Variants in PTPN13 observed in about 807,000 individuals in gnomAD.
PTPN13 encodes the protein protein tyrosine phosphatase non-receptor type 13.
A neutral mutation model predicts 284.0 loss-of-function variants in PTPN13; 191 were observed. That is an observed-to-expected ratio of 0.67 (90% CI 0.60 to 0.76). The LOEUF is 0.76. Among genes scored for constraint, PTPN13 ranks in the 30% least tolerant of loss-of-function variants. The probability of loss-of-function intolerance (pLI) is 0.00; values close to 1 mark genes in which losing one functional copy is unlikely to be tolerated. For missense variants in PTPN13, 2,797 were observed against 2,939.9 expected, an observed-to-expected ratio of 0.95 and a Z score of 1.12; for synonymous variants, 986 against 1,022.3, an observed-to-expected ratio of 0.96 and a Z score of 0.68.
chr4:86,666,050 A>G (rs1727037776), intron 2 of PTPN13, among the ~76,000 whole-genome samples: 1 of 152,112 alleles, frequency 6.6e-6, no homozygotes, highest in South Asian at 2.1e-4. Flanking sequence ...ATGATGTAAC[A>G]ATGATTTTTA....
Position 86,689,180 on chromosome 4 carries a change from A to C in PTPN13, c.536A>C (p.Asn179Thr). The change falls in exon 5 of 48, where the codon AAT becomes ACT. Residue 179 changes from asparagine to threonine, a missense_variant. Coordinates refer to ENST00000411767, the MANE Select transcript of PTPN13 (RefSeq NM_080683.3). Reference protein sequence around the residue: ...VKHLVKLVLGNLSGTDQLSCN... With the variant: ...VKHLVKLVLGTLSGTDQLSCN... ...CACTTGGTAAAACTGGTTCTGGGAA[A>C]TCTTTCTGGGGTAAGCTACAGTTAC... 6.2e-7 allele frequency: 1 copy of C among 1,612,180 alleles called. No homozygotes were observed. Among genetic ancestry groups the C allele is most frequent in the Non-Finnish European group, 8.5e-7 (1 of 1,178,378 alleles).
intron 1 of PTPN13, among the ~76,000 whole-genome samples, chr4:86,617,126 A>C (rs2148647069): frequency 6.6e-6 from 1 of 152,350 alleles, no homozygotes; most frequent in African/African-American, 2.4e-5. Context: ...CTGAGGGACA[A>C]GAGAGGAAGC....
At chr4:86,801,233 A>G (rs563103868) in intron 42 of PTPN13, among the ~76,000 whole-genome samples, 1 of 152,368 alleles carries the variant, frequency 6.6e-6, no homozygotes, top group South Asian at 2.1e-4. Context: ...GGAGAAAACT[A>G]TCGAACACCA....
chr4:86,788,272 G>T (rs148148672), intron 40 of PTPN13, among the ~76,000 whole-genome samples: 2 of 152,226 alleles, frequency 1.3e-5, no homozygotes, highest in African/African-American at 4.8e-5. Flanking sequence ...TGGTATTCTG[G>T]AAAAGTTTTC....
rs116399987 is a variant in PTPN13, at chr4:86,809,106, G to T, written c.7084-663G>T. ...CTTGATGAAAGTGGCCATGGGGAAA[G>T]AGAGGAGGAGGTGAGGTCTAAGAGG... On this transcript the variant is annotated intron_variant, in intron 45 of 47. Coordinates refer to ENST00000411767, the MANE Select transcript of PTPN13 (RefSeq NM_080683.3). Among the ~76,000 whole-genome samples the T allele has an allele frequency of 9.7e-3, 1,472 of 152,280 alleles. 16 individuals carry two copies. Among genetic ancestry groups the T allele is most frequent in the Middle Eastern group, 0.017 (5 of 294 alleles).
At chr4:86,597,979 G>A (rs899110905) in intron 1 of PTPN13, among the ~76,000 whole-genome samples, 1 of 152,048 alleles carries the variant, frequency 6.6e-6, no homozygotes, top group Non-Finnish European at 1.5e-5. Flanking sequence ...TTTTCACACT[G>A]GAAAAGTATG....
intron 2 of PTPN13, among the ~76,000 whole-genome samples, chr4:86,639,988 A>C (rs1352555062): frequency 6.6e-6 from 1 of 152,172 alleles, no homozygotes. Flanking sequence ...AAAGACCAGG[A>C]GCCATGGGAA....
In PTPN13 at chr4:86,811,121, T is replaced by C. The variant is rs1189041881; in HGVS notation, c.7362+13T>C. ...GGTTCAGACAGAGGTGAGTCATGGC[T>C]GGGCCTCCTAATGAGAATTTTTGTA... On this transcript the variant is annotated intron_variant, in intron 47 of 47. Coordinates refer to ENST00000411767, the MANE Select transcript of PTPN13 (RefSeq NM_080683.3). The C allele has an allele frequency of 6.2e-7, 1 of 1,605,630 alleles. No homozygotes were observed. Among genetic ancestry groups the C allele is most frequent in the Non-Finnish European group, 8.5e-7 (1 of 1,174,130 alleles).
intron 1 of PTPN13, among the ~76,000 whole-genome samples, chr4:86,599,412 T>C (rs991541687): frequency 6.6e-6 from 1 of 152,162 alleles, no homozygotes; most frequent in Non-Finnish European, 1.5e-5. Context: ...CCTAGAGCTG[T>C]ACTGTCAAAT....
chr4:86,680,757 C>T (rs992101011), intron 3 of PTPN13, among the ~76,000 whole-genome samples: 1 of 152,168 alleles, frequency 6.6e-6, no homozygotes, highest in South Asian at 2.1e-4. Context: ...TACCTTATGA[C>T]TCCTCTTTTT....
intron 2 of PTPN13, among the ~76,000 whole-genome samples, chr4:86,637,529 G>A (rs1334878157): frequency 8.6e-5 from 13 of 151,488 alleles, no homozygotes; most frequent in African/African-American, 2.2e-4. Flanking sequence ...TTCAATATAC[G>A]CAAATCAATA....
chr4:86,748,782 A>T (rs1319241821), intron 17 of PTPN13, among the ~76,000 whole-genome samples: 3 of 151,952 alleles, frequency 2.0e-5, no homozygotes, highest in Non-Finnish European at 4.4e-5. Context: ...CAGCCTCCCA[A>T]GTAGCTGGGA....
rs374529832 is a variant in PTPN13 at position 86,763,115 on chromosome 4, T to C, written c.3942T>C (p.Asp1314=). The C allele has an allele frequency of 5.0e-6, 8 of 1,613,172 alleles. No homozygotes were observed. Among genetic ancestry groups the C allele is most frequent in the Non-Finnish European group, 5.9e-6 (7 of 1,179,818 alleles). Residue 1314 remains aspartate (D), a synonymous_variant, in exon 24 of 48, where the codon GAT becomes GAC. Transcript: ENST00000411767. ...TKKPGISDVT[D]YSDRGDSDMD... ...AGCCAGGCATTTCTGATGTAACTGA[T>C]TACTCAGACCGTGGAGATTCAGACA...
chr4:86,651,474 A>G (rs1725067695), intron 2 of PTPN13, among the ~76,000 whole-genome samples: 1 of 147,462 alleles, frequency 6.8e-6, no homozygotes, highest in African/African-American at 2.5e-5. Flanking sequence ...GTCTGGTTTT[A>G]ATATCAGGGT....
intron 3 of PTPN13, among the ~76,000 whole-genome samples, chr4:86,676,419 A>T (rs886080465): frequency 1.3e-5 from 2 of 152,248 alleles, no homozygotes; most frequent in Non-Finnish European, 2.9e-5. Flanking sequence ...TGAGAATGTA[A>T]AATTGTACAG....
intron 40 of PTPN13, among the ~76,000 whole-genome samples, chr4:86,787,010 C>T (rs760016744): frequency 3.3e-5 from 5 of 151,632 alleles, no homozygotes; most frequent in Admixed American, 3.3e-4. Flanking sequence ...GAGGCTGAGG[C>T]AGGAGAATCA....
intron 10 of PTPN13, among the ~76,000 whole-genome samples, chr4:86,727,587 T>C (rs1734426481): frequency 6.7e-6 from 1 of 149,630 alleles, no homozygotes; most frequent in African/African-American, 2.4e-5. Context: ...CTAGATTTTC[T>C]AGTTTATTTG....
intron 2 of PTPN13, among the ~76,000 whole-genome samples, chr4:86,638,289 A>G (rs1343398160): frequency 6.6e-6 from 1 of 152,196 alleles, no homozygotes; most frequent in African/African-American, 2.4e-5. Context: ...ATCCCCATCA[A>G]GCTACCAATG....
Position 86,716,519 on chromosome 4 carries a change from A to G in PTPN13, c.1196-11A>G. 9 of 1,509,000 alleles carry G rather than the reference A, an allele frequency of 6.0e-6. No individual in the cohort carries two copies. The highest frequency in any genetic ancestry group is 8.1e-6 in the Non-Finnish European group (9 of 1,112,934). 93.5% of individuals were successfully genotyped at this position (1,509,000 alleles called of 1,614,324 possible). The stretch of plus-strand genomic sequence containing the variant: ...GTTTGCTTTCTAATCTTTTTGTTTT[A>G]ATCCTTTTAGAACCAGTTCGAAGAT... On this transcript the variant is annotated splice_polypyrimidine_tract_variant and intron_variant, in intron 7 of 47. Coordinates refer to ENST00000411767, the MANE Select transcript of PTPN13 (RefSeq NM_080683.3).
Sources: allele counts gnomAD v4.1 joint callset (sites outside exome capture counted in the v4.1 genomes callset), GRCh38; gene constraint gnomAD v4.1.1; transcripts MANE v1.5; gene names NCBI Gene and HGNC (gene_info 2026-07-23, HGNC 2026-07-21).